Variants in TRIM37 observed in about 807,000 individuals in gnomAD.
The protein encoded by TRIM37 is tripartite motif containing 37, also known as E3 ubiquitin-protein ligase TRIM37.
TRIM37 carries 80 observed loss-of-function variants against 129.8 expected under a neutral mutation model. The ratio of observed to expected loss-of-function variants is 0.62; its 90% confidence interval spans 0.51 to 0.74. The LOEUF (loss-of-function observed/expected upper bound fraction) is 0.74. TRIM37 is among the 30% of genes least tolerant of loss of function. The probability of loss-of-function intolerance (pLI) is 0.00; values close to 1 mark genes in which losing one functional copy is unlikely to be tolerated. For synonymous variants in TRIM37, 389 were observed against 387.1 expected, an observed-to-expected ratio of 1.00 and a Z score of -0.06; for missense variants, 1,054 against 1,176.5, an observed-to-expected ratio of 0.90 and a Z score of 1.52.
downstream of TRIM37, chr17:58,979,868 C>A (rs2031261154): frequency 2.3e-6 from 2 of 883,532 alleles, no homozygotes; most frequent in Non-Finnish European, 3.4e-6. Context: ...CAAGTCAGTT[C>A]ACAATCCAGT....
intron 2 of TRIM37, among the ~76,000 whole-genome samples, chr17:59,102,227 C>G (rs574227075): frequency 6.6e-6 from 1 of 151,970 alleles, no homozygotes; most frequent in African/African-American, 2.4e-5. Context: ...GAGTAGAGAA[C>G]GACAGCAACA....
intron 19 of TRIM37, among the ~76,000 whole-genome samples, chr17:59,018,673 T>C (rs1457820012): frequency 6.6e-6 from 1 of 150,860 alleles, no homozygotes; most frequent in Admixed American, 6.6e-5. Context: ...GCAATATTCT[T>C]AAAATTGATC....
At chr17:58,979,995 A>T (rs1438064491), downstream of TRIM37, 12 of 1,613,748 alleles carry the variant, frequency 7.4e-6, no homozygotes, top group Non-Finnish European at 1.0e-5. Flanking sequence ...CATAAGCCAT[A>T]TATCTGTGGG....
At chr17:59,022,100 C>T (rs1567998618) in intron 19 of TRIM37, among the ~76,000 whole-genome samples, 1 of 151,896 alleles carries the variant, frequency 6.6e-6, no homozygotes, top group Non-Finnish European at 1.5e-5. Context: ...TAGAAAAGGA[C>T]AAAAACATCT....
intron 2 of TRIM37, among the ~76,000 whole-genome samples, chr17:59,096,126 C>T (rs759474737): frequency 6.6e-6 from 1 of 152,054 alleles, no homozygotes; most frequent in Admixed American, 6.6e-5. Flanking sequence ...TGTTCATTTC[C>T]AAAAACCTGT....
intron 2 of TRIM37, among the ~76,000 whole-genome samples, chr17:59,100,304 G>A (rs888425264): frequency 3.3e-5 from 5 of 152,044 alleles, no homozygotes; most frequent in African/African-American, 1.2e-4. Flanking sequence ...ACGAATGTTC[G>A]CAGCAATTTT....
At chr17:59,020,782 T>G (rs951377905) in intron 19 of TRIM37, among the ~76,000 whole-genome samples, 22 of 152,166 alleles carry the variant, frequency 1.4e-4, no homozygotes, top group Non-Finnish European at 3.1e-4. Flanking sequence ...AGATACCATC[T>G]CATCCCAGTT....
intron 2 of TRIM37, among the ~76,000 whole-genome samples, chr17:59,094,438 A>T (rs1399060933): frequency 6.6e-6 from 1 of 152,180 alleles, no homozygotes. Flanking sequence ...TTTAGAAAGT[A>T]TTCAGATCTG....
intron 24 of TRIM37, among the ~76,000 whole-genome samples, chr17:58,986,927 C>T (rs1287580338): frequency 1.3e-5 from 2 of 152,138 alleles, no homozygotes; most frequent in African/African-American, 4.8e-5. Context: ...ACATTTAAAA[C>T]AAGTCACATT....
chr17:59,106,613 T>C lies in TRIM37; in HGVS notation c.-152A>G, dbSNP rs1020615691. On this transcript the variant is annotated 5_prime_UTR_variant, in exon 1 of 24. It removes an upstream start codon present in the reference 5' UTR. Transcript: ENST00000262294. The stretch of plus-strand genomic sequence containing the variant: ...ACAACCGCCCCACCTGCGCGCCCCA[T>C]CTCTTCAGGTCCAGCGCCGCCTACC... The C allele has an allele frequency of 8.1e-6, 7 of 867,264 alleles. No individual in the cohort carries two copies. Among genetic ancestry groups the C allele is most frequent in the South Asian group, 2.9e-5 (2 of 68,842 alleles). 53.7% of individuals were successfully genotyped at this position (867,264 alleles called of 1,614,324 possible). A position where few individuals can be genotyped will look rare whatever the true frequency, so the allele number is the denominator to read the frequency against.
the TRIM37 span, among the ~76,000 whole-genome samples, chr17:58,970,546 G>C: frequency 6.6e-6 from 1 of 152,166 alleles, no homozygotes; most frequent in African/African-American, 2.4e-5. Flanking sequence ...GGAGAGATCA[G>C]GGTAATCATT....
intron 16 of TRIM37, among the ~76,000 whole-genome samples, chr17:59,042,293 G>A (rs144114896): frequency 0.019 from 2,839 of 148,376 alleles, 97 homozygotes; most frequent in African/African-American, 0.067. Flanking sequence ...GGAGAATGGC[G>A]TGAACCCAGG....
intron 4 of TRIM37, among the ~76,000 whole-genome samples, chr17:59,084,914 C>T (rs1490206825): frequency 6.6e-6 from 1 of 152,222 alleles, no homozygotes; most frequent in African/African-American, 2.4e-5. Context: ...TTGGACTTAA[C>T]ACCTATCAGA....
At chr17:58,980,477 C>T (rs1354600344), downstream of TRIM37, 29 of 1,614,174 alleles carry the variant, frequency 1.8e-5, no homozygotes, top group Non-Finnish European at 2.5e-5. This position sits in a 1 kb window ranked among gnomAD's most constrained non-coding sequence, Gnocchi z 4.7. Context: ...CTACCTAGAT[C>T]TCACACAAAT....
At chr17:59,043,130 A>C (rs2039434403) in intron 16 of TRIM37, among the ~76,000 whole-genome samples, 1 of 152,216 alleles carries the variant, frequency 6.6e-6, no homozygotes, top group Non-Finnish European at 1.5e-5. Flanking sequence ...TCGGCCATAC[A>C]AAGTCTCTCA....
At chr17:59,052,827 C>T (rs537644358) in intron 13 of TRIM37, among the ~76,000 whole-genome samples, 3 of 151,818 alleles carry the variant, frequency 2.0e-5, no homozygotes, top group African/African-American at 7.3e-5. Context: ...TGGTGGCGGG[C>T]GCCTGTAATC....
chr17:59,043,876 G>T (rs975048373), intron 16 of TRIM37, among the ~76,000 whole-genome samples: 3 of 152,210 alleles, frequency 2.0e-5, no homozygotes, highest in Non-Finnish European at 2.9e-5. Context: ...TGCCTATGGG[G>T]AGAAGCAGAG....
chr17:59,081,247 A>C, intron 5 of TRIM37, 28 bp from the exon 6 acceptor site: 1 of 1,606,840 alleles, frequency 6.2e-7, no homozygotes, highest in Non-Finnish European at 8.5e-7. Context: ...GCTTTAGAAC[A>C]CTTTCACATA....
intron 10 of TRIM37, among the ~76,000 whole-genome samples, chr17:59,062,860 A>T (rs964654622): frequency 1.3e-5 from 2 of 152,196 alleles, no homozygotes; most frequent in African/African-American, 4.8e-5. Context: ...ATATTCAGCA[A>T]TATCTTTTAA....
Sources: gnomAD v4.1 joint callset for allele counts (sites outside exome capture counted in the v4.1 genomes callset) on GRCh38, gnomAD v4.1.1 for gene constraint, Gnocchi (gnomAD v3.1) non-coding constraint, MANE v1.5 for transcripts, NCBI Gene and HGNC (gene_info 2026-07-23, HGNC 2026-07-21) for gene names.